Variants in DPF3 observed in about 807,000 individuals in gnomAD.
The protein encoded by DPF3 is double PHD fingers 3.
DPF3 carries 18 observed loss-of-function variants against 56.8 expected under a neutral mutation model. That is an observed-to-expected ratio of 0.32 (90% CI 0.22 to 0.47). DPF3 has a LOEUF of 0.47. Among genes scored for constraint, DPF3 ranks in the 20% least tolerant of loss-of-function variants. DPF3 has a pLI of 1.00. For synonymous variants in DPF3, 188 were observed against 180.2 expected (o/e 1.04, Z -0.35); for missense variants, 403 against 488.8 (o/e 0.82, Z 1.65).
At chr14:72,703,292 G>A (rs1888259094) in intron 6 of DPF3, among the ~76,000 whole-genome samples, 1 of 151,960 alleles carries the variant, frequency 6.6e-6, no homozygotes, top group Non-Finnish European at 1.5e-5. Flanking sequence ...GGTAGGGGTG[G>A]GGTAAAACAC....
intron 7 of DPF3, among the ~76,000 whole-genome samples, chr14:72,682,409 G>C (rs891674024): frequency 2.0e-5 from 3 of 152,134 alleles, no homozygotes; most frequent in African/African-American, 7.2e-5. Context: ...GTTAATTTGA[G>C]AGCAACTATA....
intron 7 of DPF3, among the ~76,000 whole-genome samples, chr14:72,690,878 G>A (rs1887650406): frequency 6.6e-6 from 1 of 152,206 alleles, no homozygotes; most frequent in Non-Finnish European, 1.5e-5. Flanking sequence ...ACTTTTCAGG[G>A]AGCAACCAAA....
intron 8 of DPF3, among the ~76,000 whole-genome samples, chr14:72,656,281 T>C (rs75137796): frequency 6.0e-4 from 92 of 152,366 alleles, no homozygotes; most frequent in African/African-American, 2.2e-3. Context: ...AGCTGAAGCA[T>C]TGCTTCCCAG....
intron 1 of DPF3, chr14:72,853,187 T>C (rs1024294952): frequency 6.6e-6 from 1 of 150,966 alleles, no homozygotes; most frequent in Non-Finnish European, 1.5e-5. Flanking sequence ...TTCTTTACTG[T>C]GCATTGTTTA....
At chr14:72,645,553 A>G (rs1484875300) in intron 8 of DPF3, among the ~76,000 whole-genome samples, 11 of 152,120 alleles carry the variant, frequency 7.2e-5, no homozygotes, top group Non-Finnish European at 1.6e-4. Context: ...GGGATTTTTT[A>G]ATGATGGCTA....
chr14:72,760,888 G>C lies in DPF3; in HGVS notation c.194-7517C>G, dbSNP rs548234208. Among the ~76,000 whole-genome samples the C allele has an allele frequency of 2.0e-5, 3 of 152,086 alleles. No homozygotes were observed. The South Asian group carries it at 6.2e-4, about 32-fold the overall frequency. Reference sequence around the variant, plus strand: ...GGCAAGAAGTAAAAGAATGGAAAAAGATATTTCATGTTAATATTAATCAAA... The same window carrying C: ...GGCAAGAAGTAAAAGAATGGAAAAACATATTTCATGTTAATATTAATCAAA... On this transcript the variant is annotated intron_variant, in intron 2 of 10. Transcript: ENST00000556509.
chr14:72,811,572 C>A (rs1190217399), intron 1 of DPF3, among the ~76,000 whole-genome samples: 1 of 152,180 alleles, frequency 6.6e-6, no homozygotes, highest in African/African-American at 2.4e-5. Flanking sequence ...CAAACTAATA[C>A]ACCCAGAACC....
intron 4 of DPF3, among the ~76,000 whole-genome samples, chr14:72,729,974 A>G (rs1202518878): frequency 6.6e-6 from 1 of 151,984 alleles, no homozygotes; most frequent in African/African-American, 2.4e-5. Context: ...CAAATGCACC[A>G]CTCTAGTGGA....
intron 1 of DPF3, among the ~76,000 whole-genome samples, chr14:72,797,713 A>G (rs1308023360): frequency 6.6e-6 from 1 of 152,206 alleles, no homozygotes; most frequent in Non-Finnish European, 1.5e-5. Flanking sequence ...GTTTAGTCAA[A>G]TAGAAAAGAA....
intron 2 of DPF3, among the ~76,000 whole-genome samples, chr14:72,764,638 A>G (rs1331431028): frequency 6.6e-6 from 1 of 151,416 alleles, no homozygotes; most frequent in African/African-American, 2.4e-5. Context: ...ACAGGCGCCC[A>G]CCACGCCCAG....
chr14:72,684,415 G>A (rs1176564967), intron 7 of DPF3, among the ~76,000 whole-genome samples: 1 of 152,078 alleles, frequency 6.6e-6, no homozygotes, highest in East Asian at 1.9e-4. Flanking sequence ...AGAAGATAGA[G>A]AGAGGGAGAA....
At chr14:72,728,752 G>A (rs538087085) in intron 4 of DPF3, among the ~76,000 whole-genome samples, 7 of 152,142 alleles carry the variant, frequency 4.6e-5, no homozygotes, top group African/African-American at 1.2e-4. Flanking sequence ...AACTGGCAAC[G>A]GATCCTGCCC....
At chr14:72,694,672 C>T (rs1887835057) in intron 6 of DPF3, among the ~76,000 whole-genome samples, 1 of 152,194 alleles carries the variant, frequency 6.6e-6, no homozygotes, top group Admixed American at 6.5e-5. Context: ...TAGCTTAGAT[C>T]ATTTGTAAGA....
chr14:72,741,906 G>A (rs571442120), intron 3 of DPF3, among the ~76,000 whole-genome samples: 6 of 152,344 alleles, frequency 3.9e-5, no homozygotes, highest in Middle Eastern at 3.4e-3. Context: ...AGCAGCAGCC[G>A]TGCCACTGTC....
intron 8 of DPF3, among the ~76,000 whole-genome samples, chr14:72,644,183 C>T (rs907033216): frequency 4.6e-5 from 7 of 152,138 alleles, no homozygotes; most frequent in African/African-American, 7.2e-5. Context: ...ACACTGCATA[C>T]GGGAGAAACA....
At chr14:72,796,609 A>G (rs763508677) in intron 1 of DPF3, among the ~76,000 whole-genome samples, 24 of 152,356 alleles carry the variant, frequency 1.6e-4, no homozygotes, top group Non-Finnish European at 2.8e-4. Flanking sequence ...TTTCTAGAGC[A>G]TGTACTATGT....
At chr14:72,879,896 G>C in intron 1 of DPF3, 4 of 1,525,392 alleles carry the variant, frequency 2.6e-6, no homozygotes, top group Non-Finnish European at 3.5e-6. Context: ...ACATCTATAT[G>C]CGTGTTTTCC....
intron 9 of DPF3, among the ~76,000 whole-genome samples, chr14:72,621,021 A>G (rs1884402653): frequency 6.6e-6 from 1 of 151,982 alleles, no homozygotes; most frequent in African/African-American, 2.4e-5. Flanking sequence ...TGCACCTGTA[A>G]TCCCAGCTAC....
chr14:72,814,537 G>A lies in DPF3; in HGVS notation c.33-42644C>T, dbSNP rs184451423. Among the ~76,000 whole-genome samples the A allele has an allele frequency of 5.3e-5, 8 of 152,204 alleles. No individual in the cohort carries two copies. The South Asian group carries it at 8.3e-4, about 16-fold the overall frequency. On this transcript the variant is annotated intron_variant, in intron 1 of 10. Transcript: ENST00000556509. Reference sequence around the variant, plus strand: ...CCCTAGATAAAAATTAACTTGAGCGGGGTGTGGTTGCTGACACCTGTAATC... The same window carrying A: ...CCCTAGATAAAAATTAACTTGAGCGAGGTGTGGTTGCTGACACCTGTAATC...
Sources: gnomAD v4.1 joint callset for allele counts (sites outside exome capture counted in the v4.1 genomes callset) on GRCh38, gnomAD v4.1.1 for gene constraint, MANE v1.5 for transcripts, NCBI Gene and HGNC (gene_info 2026-07-23, HGNC 2026-07-21) for gene names.